The following ZBTB8OS variants were observed in gnomAD, a reference collection of about 807,000 sequenced individuals.
The protein encoded by ZBTB8OS is tRNA-splicing ligase-activating factor archease.
Under a neutral mutation model 29.3 loss-of-function variants are expected in ZBTB8OS, and 16 were observed. The ratio of observed to expected loss-of-function variants is 0.55; its 90% confidence interval spans 0.37 to 0.83. ZBTB8OS has a LOEUF of 0.83. Ranked by LOEUF, ZBTB8OS falls within the 40% of genes least tolerant of loss-of-function variation. The pLI is 0.00. For synonymous variants in ZBTB8OS, 70 were observed against 64.6 expected, an observed-to-expected ratio of 1.08 and a Z score of -0.40; for missense variants, 160 against 196.9, an observed-to-expected ratio of 0.81 and a Z score of 1.12.
upstream of ZBTB8OS, chr1:32,650,671 T>G: frequency 3.4e-6 from 5 of 1,485,998 alleles, no homozygotes; most frequent in Non-Finnish European, 4.6e-6. Flanking sequence ...GTTGACCTAC[T>G]TTAGTCCCTA....
chr1:32,637,056 C>T (rs1221574723), intron 1 of ZBTB8OS, among the ~76,000 whole-genome samples: 2 of 152,026 alleles, frequency 1.3e-5, no homozygotes, highest in African/African-American at 4.8e-5. Flanking sequence ...AGACTAATCA[C>T]ATTTACACTG....
At chr1:32,623,525 G>T (rs147145210) in intron 6 of ZBTB8OS, among the ~76,000 whole-genome samples, 3 of 152,232 alleles carry the variant, frequency 2.0e-5, no homozygotes, top group Admixed American at 1.3e-4. Context: ...CTACCATCAT[G>T]CTGTATCTGT....
At chr1:32,622,072 CAT>C in intron 6 of ZBTB8OS, 124 bp from the exon 7 acceptor site, 3 of 657,662 alleles carry the variant, frequency 4.6e-6, no homozygotes. Context: ...GAAAAACTCA[CAT>C]GAAACAATTA....
intron 5 of ZBTB8OS, among the ~76,000 whole-genome samples, chr1:32,631,506 T>C (rs1464352676): frequency 1.3e-5 from 2 of 152,194 alleles, no homozygotes; most frequent in East Asian, 3.8e-4. Flanking sequence ...AAAGAAGGAA[T>C]TGATTTAAAT....
intron 1 of ZBTB8OS, among the ~76,000 whole-genome samples, chr1:32,643,493 A>G (rs1446873970): frequency 6.6e-6 from 1 of 151,944 alleles, no homozygotes; most frequent in Non-Finnish European, 1.5e-5. Flanking sequence ...CCTGGGCTCA[A>G]GAGATCCCTC....
At chr1:32,644,840 C>T (rs1646717995) in intron 1 of ZBTB8OS, among the ~76,000 whole-genome samples, 1 of 151,608 alleles carries the variant, frequency 6.6e-6, no homozygotes. Flanking sequence ...CCACCTCACC[C>T]AGGTGTTTAA....
At chr1:32,626,472 A>G (rs1040727465) in intron 6 of ZBTB8OS, among the ~76,000 whole-genome samples, 1 of 152,190 alleles carries the variant, frequency 6.6e-6, no homozygotes, top group African/African-American at 2.4e-5. Context: ...AGCAAAATAT[A>G]TATAGCCCAC....
intron 1 of ZBTB8OS, among the ~76,000 whole-genome samples, chr1:32,647,393 T>C (rs1305830742): frequency 1.4e-5 from 2 of 147,440 alleles, no homozygotes; most frequent in Non-Finnish European, 3.0e-5. Context: ...CTGGAGATCA[T>C]GCCACTGTAC....
chr1:32,634,048 C>T lies in ZBTB8OS; in HGVS notation c.147G>A (p.Leu49=), dbSNP rs539990774. 6.3e-7 allele frequency: 1 copy of T among 1,597,570 alleles called. No individual in the cohort carries two copies. The highest frequency in any genetic ancestry group is 1.4e-5 in the African/African-American group (1 of 73,930). ...DVQLHAWGDT[L]EEAFEQCAMA... ...TTGCACATTGCTCAAATGCTTCCTCCAGAGTATCTCCCCATGCGTGTAACC... is the reference window on the plus strand; with the variant it reads ...TTGCACATTGCTCAAATGCTTCCTCTAGAGTATCTCCCCATGCGTGTAACC... Residue 49 remains leucine, a synonymous_variant, in exon 3 of 7, where the codon CTG becomes CTA. Transcript: ENST00000468695.
intron 1 of ZBTB8OS, among the ~76,000 whole-genome samples, chr1:32,643,445 T>C (rs1363663449): frequency 6.6e-6 from 1 of 151,556 alleles, no homozygotes. Flanking sequence ...CAAGGTGGAG[T>C]ACAGTGGCAC....
chr1:32,631,354 CAA>C (rs560515421), intron 5 of ZBTB8OS, among the ~76,000 whole-genome samples: 34 of 63,130 alleles, frequency 5.4e-4, no homozygotes, highest in Admixed American at 9.1e-4. Context: ...GACCCTGTAT[CAA>C]AAAAAAAAAA....
intron 1 of ZBTB8OS, among the ~76,000 whole-genome samples, chr1:32,645,603 T>A (rs764793194): frequency 2.6e-5 from 4 of 152,186 alleles, no homozygotes; most frequent in Non-Finnish European, 5.9e-5. Context: ...TAGCCCAGGA[T>A]GGAGTGCAGT....
At chr1:32,647,041 C>CAAAACA (rs1646895354) in intron 1 of ZBTB8OS, among the ~76,000 whole-genome samples, 2 of 39,386 alleles carry the variant, frequency 5.1e-5, no homozygotes, top group Non-Finnish European at 8.7e-5. Flanking sequence ...GATACTGTCT[C>CAAAACA]AAAAAAAAAA....
intron 1 of ZBTB8OS, among the ~76,000 whole-genome samples, chr1:32,636,576 T>C (rs1031119595): frequency 6.6e-6 from 1 of 151,124 alleles, no homozygotes; most frequent in Non-Finnish European, 1.5e-5. Flanking sequence ...TGTAAACCCA[T>C]CTACTCAGGA....
At chr1:32,627,080 T>TG (rs1645180108) in intron 6 of ZBTB8OS, among the ~76,000 whole-genome samples, 1 of 152,188 alleles carries the variant, frequency 6.6e-6, no homozygotes, top group South Asian at 2.1e-4. Context: ...ATTTATTATC[T>TG]GTCCATTTTA....
chr1:32,632,709 A>G (rs1645665253), intron 4 of ZBTB8OS, among the ~76,000 whole-genome samples: 1 of 152,194 alleles, frequency 6.6e-6, no homozygotes, highest in African/African-American at 2.4e-5. Context: ...AAAATGTAAG[A>G]TCTAAAAATA....
chr1:32,621,813 G>A lies in ZBTB8OS; in HGVS notation c.*49C>T. 14 of 1,290,862 alleles carry A rather than the reference G, an allele frequency of 1.1e-5. No individual in the cohort carries two copies. The highest frequency in any genetic ancestry group is 1.5e-5 in the Non-Finnish European group (14 of 915,378). The allele number at this position is 1,290,862 out of a possible 1,614,324, so 80.0% of individuals were successfully genotyped here. ...ATTCATAGTGTCTTCTCAAAAGGAAGAGGAAAACAAAAACAGTTCTTCGTA... is the reference window on the plus strand; with the variant it reads ...ATTCATAGTGTCTTCTCAAAAGGAAAAGGAAAACAAAAACAGTTCTTCGTA... On this transcript the variant is annotated 3_prime_UTR_variant, in exon 7 of 7. Coordinates refer to ENST00000468695, the MANE Select transcript of ZBTB8OS (RefSeq NM_178547.5).
intron 1 of ZBTB8OS, among the ~76,000 whole-genome samples, chr1:32,646,029 A>T (rs569486282): frequency 1.3e-5 from 2 of 152,190 alleles, no homozygotes; most frequent in East Asian, 3.9e-4. Context: ...TCAATAAAAG[A>T]TGTATTTTGG....
chr1:32,647,968 G>A (rs606991), intron 1 of ZBTB8OS, among the ~76,000 whole-genome samples: 2,086 of 152,068 alleles, frequency 0.014, 39 homozygotes, highest in African/African-American at 0.046. Context: ...AAAGGTTGGG[G>A]ACCGCTGGTT....
Sources: allele counts gnomAD v4.1 joint callset (sites outside exome capture counted in the v4.1 genomes callset), GRCh38; gene constraint gnomAD v4.1.1; transcripts MANE v1.5; gene names NCBI Gene and HGNC (gene_info 2026-07-23, HGNC 2026-07-21).